Variants in TNPO3 observed in about 807,000 individuals in gnomAD.
TNPO3 encodes the protein transportin 3.
Under a neutral mutation model 122.8 loss-of-function variants are expected in TNPO3, and 65 were observed. The observed-to-expected ratio is 0.53, with a 90% CI of 0.43 to 0.65. The LOEUF (loss-of-function observed/expected upper bound fraction) is 0.65. Among genes scored for constraint, TNPO3 ranks in the 30% least tolerant of loss-of-function variants. The pLI is 0.00. For synonymous variants in TNPO3, 372 were observed against 411.2 expected, an observed-to-expected ratio of 0.90 and a Z score of 1.15; for missense variants, 850 against 1,136.7, an observed-to-expected ratio of 0.75 and a Z score of 3.63.
intron 22 of TNPO3, among the ~76,000 whole-genome samples, chr7:128,956,646 A>C (rs1563083504): frequency 6.6e-6 from 1 of 152,236 alleles, no homozygotes; most frequent in Non-Finnish European, 1.5e-5. Context: ...CCAAAATCCC[A>C]AAAAATCCAA....
At chr7:128,976,114 G>C (rs976438138) in intron 16 of TNPO3, among the ~76,000 whole-genome samples, 179 bp from the exon 17 acceptor site, 2 of 152,316 alleles carry the variant, frequency 1.3e-5, no homozygotes, top group Admixed American at 6.5e-5. Flanking sequence ...ATGATTTTCA[G>C]GTTCTCTATT....
intron 1 of TNPO3, among the ~76,000 whole-genome samples, chr7:129,044,633 AC>A (rs1807806005): frequency 6.6e-6 from 1 of 152,188 alleles, no homozygotes. Flanking sequence ...TAGAGGCTTC[AC>A]CTATACAGCT....
At chr7:129,025,656 T>C (rs1349356976) in intron 1 of TNPO3, among the ~76,000 whole-genome samples, 1 of 151,740 alleles carries the variant, frequency 6.6e-6, no homozygotes, top group East Asian at 1.9e-4. Context: ...CAAGCAATCC[T>C]CTTGCCTGGG....
chr7:129,042,235 C>A (rs1807466190), intron 1 of TNPO3, among the ~76,000 whole-genome samples: 1 of 152,088 alleles, frequency 6.6e-6, no homozygotes, highest in Non-Finnish European at 1.5e-5. Context: ...TGAAAAGTAA[C>A]ATAAGTGTCA....
intron 1 of TNPO3, chr7:129,029,052 T>G (rs867202796): frequency 2.1e-4 from 62 of 301,512 alleles, no homozygotes; most frequent in African/African-American, 1.3e-3. Context: ...AAGACACATC[T>G]AAGATAGTTA....
intron 11 of TNPO3, among the ~76,000 whole-genome samples, chr7:128,988,622 A>G (rs146864145): frequency 1.3e-5 from 2 of 152,328 alleles, no homozygotes; most frequent in East Asian, 1.9e-4. Context: ...CTGCAAGTCA[A>G]CCTAGATTTG....
At chr7:129,026,126 A>G (rs1165346484) in intron 1 of TNPO3, among the ~76,000 whole-genome samples, 1 of 39,446 alleles carries the variant, frequency 2.5e-5, no homozygotes, top group African/African-American at 1.3e-4. Flanking sequence ...ACTCCGTCTC[A>G]AAAAAAAAAA....
chr7:129,004,547 A>G (rs535670239), intron 5 of TNPO3, among the ~76,000 whole-genome samples: 1 of 152,362 alleles, frequency 6.6e-6, no homozygotes, highest in South Asian at 2.1e-4. Context: ...CATTTTGCAT[A>G]TACGATGTTT....
At chr7:129,020,473 CT>C (rs1804353106) in intron 1 of TNPO3, among the ~76,000 whole-genome samples, 1 of 152,188 alleles carries the variant, frequency 6.6e-6, no homozygotes, top group African/African-American at 2.4e-5. Flanking sequence ...CAGGGTCTCG[CT>C]CTGTCACCCA....
chr7:129,042,230 A>G (rs891325233), intron 1 of TNPO3, among the ~76,000 whole-genome samples: 7 of 152,258 alleles, frequency 4.6e-5, no homozygotes, highest in Non-Finnish European at 7.3e-5. Context: ...ACACTTGAAA[A>G]GTAACATAAG....
At chr7:129,046,948 T>C (rs1190372924) in intron 1 of TNPO3, among the ~76,000 whole-genome samples, 2 of 152,006 alleles carry the variant, frequency 1.3e-5, no homozygotes, top group East Asian at 1.9e-4. Flanking sequence ...AATCGGGGGG[T>C]ATTATTACAA....
At chr7:128,998,563 A>C (rs939999577) in intron 7 of TNPO3, among the ~76,000 whole-genome samples, 10 of 151,912 alleles carry the variant, frequency 6.6e-5, no homozygotes, top group Admixed American at 1.3e-4. Context: ...TTGCTCTGCC[A>C]TCTAGGCTGG....
chr7:128,962,736 T>A (rs1797588449), intron 21 of TNPO3, among the ~76,000 whole-genome samples: 1 of 152,196 alleles, frequency 6.6e-6, no homozygotes, highest in Non-Finnish European at 1.5e-5. Context: ...CTGCAAAACT[T>A]GTTTAGCAAT....
chr7:129,019,235 A>C lies in TNPO3; in HGVS notation c.121-1078T>G, dbSNP rs561484953. On this transcript the variant is annotated intron_variant, in intron 1 of 22. Coordinates refer to ENST00000265388, the MANE Select transcript of TNPO3 (RefSeq NM_012470.4). ...TGCAGTAGATTGTAGACAACTAATT[A>C]ATTAGATTAATTCTAATCCAATTCT... is the stretch of plus-strand genomic sequence containing the variant. 2.6e-5 allele frequency among the ~76,000 whole-genome samples: 4 copies of C among 152,350 alleles called. No individual in the cohort carries two copies. The Middle Eastern group carries it at 0.01, about 389-fold the overall frequency.
Position 128,958,218 on chromosome 7 carries a change from A to G in TNPO3, c.2712-903T>C, listed in dbSNP as rs145645242. 5.2e-5 allele frequency among the ~76,000 whole-genome samples: 7 copies of G among 134,436 alleles called. No individual in the cohort carries two copies. In the East Asian group the frequency reaches 1.5e-3, roughly 29 times the overall value. 88.2% of individuals were successfully genotyped at this position (134,436 alleles called of 152,430 possible). On this transcript the variant is annotated intron_variant, in intron 21 of 22. Transcript: ENST00000265388. ...GAGTGCAATGGCACGATCTCAGCTC[A>G]CTGCAACTTCCGCCTCCCAGGTTCA...
intron 22 of TNPO3, among the ~76,000 whole-genome samples, chr7:128,956,957 G>A (rs988373991): frequency 6.6e-6 from 1 of 152,216 alleles, no homozygotes; most frequent in Non-Finnish European, 1.5e-5. Flanking sequence ...GAAGGGGGAA[G>A]AAAATGTTTC....
At chr7:128,959,816 G>A (rs1797261655) in intron 21 of TNPO3, among the ~76,000 whole-genome samples, 1 of 152,210 alleles carries the variant, frequency 6.6e-6, no homozygotes, top group African/African-American at 2.4e-5. Flanking sequence ...GAGGTCAGGA[G>A]TTTGAGACCA....
intron 21 of TNPO3, among the ~76,000 whole-genome samples, chr7:128,960,707 T>A (rs1001007690): frequency 4.0e-5 from 6 of 151,778 alleles, no homozygotes; most frequent in Admixed American, 6.6e-5. Context: ...TTAAAAAAAA[T>A]TTAGTTTATA....
At chr7:129,046,195 C>CA (rs5887409) in intron 1 of TNPO3, among the ~76,000 whole-genome samples, 14,260 of 79,052 alleles carry the variant, frequency 0.18, 1,957 homozygotes, top group East Asian at 0.24. Flanking sequence ...GACTCCGTCT[C>CA]AAAAAAAAAA....
Sources: gnomAD v4.1 joint callset for allele counts (sites outside exome capture counted in the v4.1 genomes callset) on GRCh38, gnomAD v4.1.1 for gene constraint, MANE v1.5 for transcripts, NCBI Gene and HGNC (gene_info 2026-07-23, HGNC 2026-07-21) for gene names.